R3HDM1: variants seen among roughly 807,000 people sequenced by gnomAD.
R3HDM1 encodes the protein R3H domain-containing protein 1.
R3HDM1 carries 46 observed loss-of-function variants against 141.1 expected under a neutral mutation model. The observed-to-expected ratio is 0.33, with a 90% CI of 0.26 to 0.42. The LOEUF (loss-of-function observed/expected upper bound fraction) is 0.42. R3HDM1 is among the 10% of genes least tolerant of loss of function. The probability of loss-of-function intolerance (pLI) is 1.00; values close to 1 mark genes in which losing one functional copy is unlikely to be tolerated. For missense variants in R3HDM1, 1,184 were observed against 1,368.3 expected (o/e 0.87, Z 2.12); for synonymous variants, 435 against 472.9 (o/e 0.92, Z 1.04).
At chr2:135,644,037 C>G (rs1574635944) in intron 15 of R3HDM1, among the ~76,000 whole-genome samples, 1 of 152,050 alleles carries the variant, frequency 6.6e-6, no homozygotes, top group African/African-American at 2.4e-5. Context: ...TATAATAAAC[C>G]ACCATAACAC....
intron 16 of R3HDM1, chr2:135,648,967 G>C (rs1442713010): frequency 6.6e-6 from 1 of 151,806 alleles, no homozygotes; most frequent in Non-Finnish European, 1.5e-5. Flanking sequence ...TTATATAAAA[G>C]AGGTGTTTGT....
At position 135,602,600 on chromosome 2, in the gene R3HDM1, A is replaced by T; in HGVS notation, c.-149A>T. On this transcript the variant is annotated 5_prime_UTR_variant, in exon 2 of 27. It removes an upstream start codon present in the reference 5' UTR. Coordinates refer to ENST00000683871, the MANE Select transcript of R3HDM1 (RefSeq NM_001378107.1). Reference sequence around the variant, plus strand: ...TGGGACTCCTCCTGCCAGATTACAGATGGTTCACTACAGTTGACATCCTGG... The same window carrying T: ...TGGGACTCCTCCTGCCAGATTACAGTTGGTTCACTACAGTTGACATCCTGG... 1.3e-6 allele frequency: 2 copies of T among 1,541,982 alleles called. No individual in the cohort carries two copies. Among genetic ancestry groups the T allele is most frequent in the Non-Finnish European group, 8.7e-7 (1 of 1,144,486 alleles).
chr2:135,650,353 A>G lies in R3HDM1; in HGVS notation c.1725+350A>G, dbSNP rs1422945284. On this transcript the variant is annotated intron_variant, in intron 17 of 26. Coordinates refer to ENST00000683871, the MANE Select transcript of R3HDM1 (RefSeq NM_001378107.1). ...GCTTTCATCTGGGTTTAGGCATTCTATTTTCTCCCCAACACTGTAGCTCCA... is the reference window on the plus strand; with the variant it reads ...GCTTTCATCTGGGTTTAGGCATTCTGTTTTCTCCCCAACACTGTAGCTCCA... 3.0e-6 allele frequency: 3 copies of G among 984,772 alleles called. No homozygotes were observed. The East Asian group carries it at 3.4e-4, about 112-fold the overall frequency. 61.0% of individuals were successfully genotyped at this position (984,772 alleles called of 1,614,324 possible).
intron 3 of R3HDM1, among the ~76,000 whole-genome samples, chr2:135,609,385 G>A (rs992779774): frequency 9.2e-5 from 14 of 152,074 alleles, no homozygotes; most frequent in African/African-American, 1.2e-4. Flanking sequence ...GTGCATTAAC[G>A]TCAGGAAGTT....
intron 1 of R3HDM1, among the ~76,000 whole-genome samples, chr2:135,567,132 G>A (rs1417772828): frequency 6.6e-6 from 1 of 152,126 alleles, no homozygotes; most frequent in Non-Finnish European, 1.5e-5. Context: ...TAGTGCTTGG[G>A]ATACAGATGA....
At chr2:135,593,967 G>T (rs1437755633) in intron 1 of R3HDM1, among the ~76,000 whole-genome samples, 5 of 152,080 alleles carry the variant, frequency 3.3e-5, no homozygotes, top group Non-Finnish European at 4.4e-5. Context: ...TGATCCGCCC[G>T]CCTCAGCCTC....
At chr2:135,608,647 C>T (rs1249400432) in intron 3 of R3HDM1, among the ~76,000 whole-genome samples, 1 of 152,170 alleles carries the variant, frequency 6.6e-6, no homozygotes, top group Non-Finnish European at 1.5e-5. Context: ...TTCTAACATA[C>T]TACCAGATAT....
At chr2:135,559,054 T>A (rs1321183910) in intron 1 of R3HDM1, 3 of 622,036 alleles carry the variant, frequency 4.8e-6, no homozygotes, top group East Asian at 1.6e-4. Context: ...CCACAAAGTG[T>A]GTGTGTGTGT....
chr2:135,642,331 A>T (rs2063891265), intron 15 of R3HDM1, among the ~76,000 whole-genome samples: 1 of 152,152 alleles, frequency 6.6e-6, no homozygotes. Context: ...AATATTGACA[A>T]TACATATTCT....
chr2:135,594,983 C>A (rs1201716005), intron 1 of R3HDM1, among the ~76,000 whole-genome samples: 1 of 151,640 alleles, frequency 6.6e-6, no homozygotes, highest in Non-Finnish European at 1.5e-5. Context: ...CTACACCCCC[C>A]CCCCTTTTCA....
chr2:135,660,295 A>G (rs978832658), intron 18 of R3HDM1, among the ~76,000 whole-genome samples: 1 of 152,178 alleles, frequency 6.6e-6, no homozygotes. Context: ...ACAATGAGAT[A>G]TCTTGGGATA....
In R3HDM1 at chr2:135,631,719, G is replaced by T; in HGVS notation, c.499G>T (p.Asp167Tyr). The T allele has an allele frequency of 6.4e-7, 1 of 1,569,760 alleles. No homozygotes were observed. The highest frequency in any genetic ancestry group is 1.2e-5 in the South Asian group (1 of 82,876). Residue 167 changes from aspartate (D) to tyrosine (Y), a missense_variant and splice_region_variant, in exon 8 of 27, where the codon GAC becomes TAC. Around this residue, in one of 5 missense-constraint regions of R3HDM1, gnomAD observed 192 missense variants for 215.7 expected, o/e 0.89. Coordinates refer to ENST00000683871, the MANE Select transcript of R3HDM1 (RefSeq NM_001378107.1). The part of the protein sequence containing the change: ...LVNTLKNNPR[D>Y]RMMLLKLEQE... ...AAGAGTCTTCATACTTTGTTTCAGG[G>T]ACAGAATGATGCTGCTGAAATTGGA... is the stretch of plus-strand genomic sequence containing the variant.
At chr2:135,643,774 T>C (rs1574633697) in intron 15 of R3HDM1, among the ~76,000 whole-genome samples, 1 of 152,150 alleles carries the variant, frequency 6.6e-6, no homozygotes. Flanking sequence ...TTAAATACTA[T>C]GAAGCCATAA....
At chr2:135,602,980 C>A (rs931856533) in intron 2 of R3HDM1, among the ~76,000 whole-genome samples, 6 of 151,814 alleles carry the variant, frequency 4.0e-5, no homozygotes, top group African/African-American at 1.5e-4. Context: ...TCCTAAAATC[C>A]ATTTATTTAT....
At chr2:135,607,381 T>C (rs1399754861) in intron 3 of R3HDM1, 6 of 957,424 alleles carry the variant, frequency 6.3e-6, no homozygotes, top group Non-Finnish European at 7.5e-6. Flanking sequence ...TAGACAATGA[T>C]AGCAATTCCT....
chr2:135,651,846 G>T lies in R3HDM1; in HGVS notation c.1842G>T (p.Gln614His). 3.7e-6 allele frequency: 6 copies of T among 1,614,044 alleles called. No homozygotes were observed. The highest frequency in any genetic ancestry group is 5.1e-6 in the Non-Finnish European group (6 of 1,180,016). ...FQSTVVLQSPQQSGYIMTAAP... is the reference protein window; with the variant it reads ...FQSTVVLQSPHQSGYIMTAAP... ...CCACTGTGGTTCTTCAGTCTCCACA[G>T]CAGTCTGGTTATATCATGACAGCAG... The change falls in exon 18 of 27, where the codon CAG becomes CAT. Residue 614 changes from glutamine (Q) to histidine (H), a missense_variant. By Grantham distance (24) the Gln-to-His change is conservative (BLOSUM62 0). Transcript: ENST00000683871.
chr2:135,534,002 A>G (rs1695503695), intron 1 of R3HDM1: 1 of 985,264 alleles, frequency 1.0e-6, no homozygotes, highest in Non-Finnish European at 1.2e-6. Context: ...TGTTGTTCAT[A>G]TGCTGAGGGT....
chr2:135,708,113 A>G (rs1387792816), intron 21 of R3HDM1, among the ~76,000 whole-genome samples: 2 of 152,172 alleles, frequency 1.3e-5, no homozygotes, highest in Non-Finnish European at 1.5e-5. Context: ...TCTCCCTCCA[A>G]TATTAGTTTG....
At chr2:135,675,014 T>C (rs1234821713) in intron 19 of R3HDM1, among the ~76,000 whole-genome samples, 2 of 152,070 alleles carry the variant, frequency 1.3e-5, no homozygotes, top group African/African-American at 4.8e-5. Flanking sequence ...CAACTCCTGG[T>C]CCTGAGAAAC....
Sources: allele counts gnomAD v4.1 joint callset (sites outside exome capture counted in the v4.1 genomes callset), GRCh38; gene constraint gnomAD v4.1.1; regional missense constraint gnomAD v4.1.1; transcripts MANE v1.5; gene names NCBI Gene and HGNC (gene_info 2026-07-23, HGNC 2026-07-21).